TNKS2: variants seen among roughly 807,000 people sequenced by gnomAD.
The protein encoded by TNKS2 is tankyrase 2, also known as poly [ADP-ribose] polymerase tankyrase-2.
In TNKS2, 72 loss-of-function variants were observed where a neutral mutation model predicts 137.6. That is an observed-to-expected ratio of 0.52 (90% CI 0.43 to 0.64). The LOEUF is 0.64. Ranked by LOEUF, TNKS2 falls within the 30% of genes least tolerant of loss-of-function variation. The pLI is 0.00. For missense variants in TNKS2, 1,049 were observed against 1,410.2 expected, an observed-to-expected ratio of 0.74 and a Z score of 4.10; for synonymous variants, 516 against 512.1, an observed-to-expected ratio of 1.01 and a Z score of -0.10.
intron 21 of TNKS2, 145 bp downstream of exon 21, chr10:91,851,481 T>A: frequency 1.0e-6 from 1 of 991,982 alleles, no homozygotes; most frequent in Non-Finnish European, 1.4e-6. Context: ...TGGGATTAAG[T>A]CTTAGCTGTG....
rs1842924471 is a variant in TNKS2 at position 91,864,302 on chromosome 10, C to T, written c.*1303C>T. 2.0e-5 allele frequency: 3 copies of T among 152,600 alleles called. No homozygotes were observed. The highest frequency in any genetic ancestry group is 4.8e-5 in the African/African-American group (2 of 41,450). The allele number at this position is 152,600 out of a possible 1,614,324, so 9.5% of individuals were successfully genotyped here. A position where few individuals can be genotyped will look rare whatever the true frequency, so the allele number is the denominator to read the frequency against. On this transcript the variant is annotated 3_prime_UTR_variant, in exon 27 of 27. Coordinates refer to ENST00000371627, the MANE Select transcript of TNKS2 (RefSeq NM_025235.4). The stretch of plus-strand genomic sequence containing the variant: ...GCAGCTATAGAAGGAAATGCTGTCC[C>T]ATAAAATGCCATTCCTATTTTCTAA...
At chr10:91,825,346 A>G (rs889871182) in intron 7 of TNKS2, among the ~76,000 whole-genome samples, 7 of 151,718 alleles carry the variant, frequency 4.6e-5, no homozygotes, top group Admixed American at 6.6e-5. Flanking sequence ...CAAGCGATCC[A>G]CCCACCTCAG....
chr10:91,847,155 G>A (rs1379132042), intron 18 of TNKS2, among the ~76,000 whole-genome samples: 1 of 152,184 alleles, frequency 6.6e-6, no homozygotes, highest in East Asian at 1.9e-4. Context: ...TACAAATTGT[G>A]AGTGCAATGG....
rs751285940 is a variant in TNKS2, at chr10:91,831,169, A to G, written c.1263A>G (p.Lys421=). 1 of 1,613,918 alleles carries G rather than the reference A, an allele frequency of 6.2e-7. No individual in the cohort carries two copies. The highest frequency in any genetic ancestry group is 8.5e-7 in the Non-Finnish European group (1 of 1,179,852). Residue 421 remains lysine, a synonymous_variant, in exon 11 of 27, where the codon AAA becomes AAG. Coordinates refer to ENST00000371627, the MANE Select transcript of TNKS2 (RefSeq NM_025235.4). The part of the protein sequence containing the change: ...AHNDVVEVVV[K]HEAKVNALDN... ...ATGATGTTGTTGAAGTAGTGGTGAA[A>G]CATGAAGCAAAGGTATACTTCCTTT... is the stretch of plus-strand genomic sequence containing the variant.
chr10:91,838,366 T>C (rs1209576073), intron 13 of TNKS2, among the ~76,000 whole-genome samples: 1 of 152,146 alleles, frequency 6.6e-6, no homozygotes, highest in African/African-American at 2.4e-5. Flanking sequence ...CCATTCTTCT[T>C]ATCTACCTCC....
rs767221483 is a variant in TNKS2 at position 91,813,221 on chromosome 10, C to G, written c.424+14C>G. 1.9e-6 allele frequency: 3 copies of G among 1,600,388 alleles called. No homozygotes were observed. The highest frequency in any genetic ancestry group is 2.6e-6 in the Non-Finnish European group (3 of 1,168,228). ...ATGTTTGCATTGGTAAGACTGTTTACTTTTCCGACTTTTACTAATGTTGTA... is the reference window on the plus strand; with the variant it reads ...ATGTTTGCATTGGTAAGACTGTTTAGTTTTCCGACTTTTACTAATGTTGTA... On this transcript the variant is annotated intron_variant, in intron 2 of 26. Coordinates refer to ENST00000371627, the MANE Select transcript of TNKS2 (RefSeq NM_025235.4).
At position 91,848,507 on chromosome 10, in the gene TNKS2, G is replaced by C. The variant is rs781679851; in HGVS notation, c.2483G>C (p.Gly828Ala). 5 of 1,614,044 alleles carry C rather than the reference G, an allele frequency of 3.1e-6. No individual in the cohort carries two copies. Among genetic ancestry groups the C allele is most frequent in the Non-Finnish European group, 4.2e-6 (5 of 1,180,020 alleles). The change falls in exon 19 of 27, where the codon GGT becomes GCT. Residue 828 changes from glycine (G) to alanine (A), a missense_variant. Gly to Ala is a moderately conservative substitution (Grantham distance 60, BLOSUM62 0). Transcript: ENST00000371627. ...PGATADALSS[G>A]PSSPSSLSAA... is the part of the protein sequence containing the mutation. Reference sequence around the variant, plus strand: ...GCCACTGCAGATGCTCTCTCTTCAGGTCCATCTAGCCCATCAAGCCTTTCT... The same window carrying C: ...GCCACTGCAGATGCTCTCTCTTCAGCTCCATCTAGCCCATCAAGCCTTTCT...
At chr10:91,850,838 A>G (rs1286527904) in intron 20 of TNKS2, among the ~76,000 whole-genome samples, 1 of 152,268 alleles carries the variant, frequency 6.6e-6, no homozygotes, top group African/African-American at 2.4e-5. Flanking sequence ...CTTCAATTTC[A>G]TGAAGCCATA....
At chr10:91,835,000 A>G (rs1841953460) in intron 12 of TNKS2, among the ~76,000 whole-genome samples, 1 of 152,244 alleles carries the variant, frequency 6.6e-6, no homozygotes, top group South Asian at 2.1e-4. Context: ...TTCTGTTAAT[A>G]GAAAGCTGGT....
At chr10:91,835,367 G>A (rs979544086) in intron 12 of TNKS2, among the ~76,000 whole-genome samples, 1 of 145,824 alleles carries the variant, frequency 6.9e-6, no homozygotes. Flanking sequence ...TCAGCTCACT[G>A]CAACCTCTGC....
chr10:91,811,984 C>T (rs1350192599), intron 1 of TNKS2, among the ~76,000 whole-genome samples: 3 of 151,278 alleles, frequency 2.0e-5, no homozygotes, highest in African/African-American at 4.9e-5. Flanking sequence ...GGCATGAACC[C>T]GGGAGGCGGA....
intron 1 of TNKS2, among the ~76,000 whole-genome samples, chr10:91,800,563 A>G (rs1844132830): frequency 6.6e-6 from 1 of 152,134 alleles, no homozygotes; most frequent in Non-Finnish European, 1.5e-5. Flanking sequence ...GTTTCAAAGC[A>G]TATTTTTTAC....
Position 91,863,422 on chromosome 10 carries a change from G to A in TNKS2, c.*423G>A, listed in dbSNP as rs1163482971. Reference sequence around the variant, plus strand: ...ACTGTAAATAAGAGCTTTTGTACTAGCCCAGTATTTATTTACATTGCTTTG... The same window carrying A: ...ACTGTAAATAAGAGCTTTTGTACTAACCCAGTATTTATTTACATTGCTTTG... On this transcript the variant is annotated 3_prime_UTR_variant, in exon 27 of 27. Transcript: ENST00000371627. 1 of 153,416 alleles carries A rather than the reference G, an allele frequency of 6.5e-6. No homozygotes were observed. Among genetic ancestry groups the A allele is most frequent in the Non-Finnish European group, 1.5e-5 (1 of 68,672 alleles). The allele number at this position is 153,416 out of a possible 1,614,324, so 9.5% of individuals were successfully genotyped here. A position where few individuals can be genotyped will look rare whatever the true frequency, so the allele number is the denominator to read the frequency against.
At position 91,845,133 on chromosome 10, in the gene TNKS2, G is replaced by C. The variant is rs1167162605; in HGVS notation, c.2169+105G>C. 4 of 762,690 alleles carry C rather than the reference G, an allele frequency of 5.2e-6. No individual in the cohort carries two copies. The Admixed American group carries it at 8.0e-5, about 15-fold the overall frequency. The allele number at this position is 762,690 out of a possible 1,614,324, so 47.2% of individuals were successfully genotyped here. A position where few individuals can be genotyped will look rare whatever the true frequency, so the allele number is the denominator to read the frequency against. ...TTTGATGTTCTCATTTTACAGAGAAGTAAGTGGCAGAGCTAAAGAAGTTAA... is the reference window on the plus strand; with the variant it reads ...TTTGATGTTCTCATTTTACAGAGAACTAAGTGGCAGAGCTAAAGAAGTTAA... On this transcript the variant is annotated intron_variant, in intron 17 of 26. Transcript: ENST00000371627.
intron 5 of TNKS2, 45 bp downstream of exon 5, chr10:91,819,602 T>G: frequency 2.2e-6 from 3 of 1,382,084 alleles, no homozygotes; most frequent in Non-Finnish European, 3.0e-6. Flanking sequence ...CCTGGTAACA[T>G]GAAGATAAAG....
Position 91,863,292 on chromosome 10 carries a change from T to C in TNKS2, c.*293T>C. The C allele has an allele frequency of 3.9e-6, 1 of 254,594 alleles. No homozygotes were observed. Among genetic ancestry groups the C allele is most frequent in the Non-Finnish European group, 7.5e-6 (1 of 133,152 alleles). The allele number at this position is 254,594 out of a possible 1,614,324, so 15.8% of individuals were successfully genotyped here. ...ACTTGAACCTTTTATATGTTATGCA[T>C]TGATTCTAACAAACTGTAATGCCCT... On this transcript the variant is annotated 3_prime_UTR_variant, in exon 27 of 27. Transcript: ENST00000371627.
At chr10:91,850,026 G>A (rs1288350662) in intron 20 of TNKS2, among the ~76,000 whole-genome samples, 1 of 152,150 alleles carries the variant, frequency 6.6e-6, no homozygotes, top group African/African-American at 2.4e-5. Flanking sequence ...TAATGTTACT[G>A]TAGATTTGCA....
intron 20 of TNKS2, 110 bp from the exon 21 acceptor site, chr10:91,851,106 T>G: frequency 2.9e-6 from 4 of 1,370,216 alleles, no homozygotes; most frequent in Non-Finnish European, 4.0e-6. Context: ...TTAGAAATGT[T>G]TAAAATAATC....
At chr10:91,837,221 T>C (rs969027258) in intron 13 of TNKS2, among the ~76,000 whole-genome samples, 7 of 152,200 alleles carry the variant, frequency 4.6e-5, no homozygotes, top group Non-Finnish European at 7.3e-5. Flanking sequence ...TTCACAAATA[T>C]AAATAAATTC....
Sources: allele counts gnomAD v4.1 joint callset (sites outside exome capture counted in the v4.1 genomes callset), GRCh38; gene constraint gnomAD v4.1.1; transcripts MANE v1.5; gene names NCBI Gene and HGNC (gene_info 2026-07-23, HGNC 2026-07-21).